Variants in WDR72 observed in about 807,000 individuals in gnomAD.
WDR72 encodes WD repeat-containing protein 72.
A neutral mutation model predicts 124.2 loss-of-function variants in WDR72; 120 were observed. That is an observed-to-expected ratio of 0.97 (90% CI 0.83 to 1.12). The LOEUF is 1.12. WDR72 is among the 50% of genes most tolerant of loss of function. The pLI is 0.00. For missense variants in WDR72, 1,387 were observed against 1,278.8 expected (o/e 1.08, Z -1.29); for synonymous variants, 452 against 441.7 (o/e 1.02, Z -0.29).
intron 18 of WDR72, among the ~76,000 whole-genome samples, chr15:53,561,339 T>C (rs766303372): frequency 4.6e-5 from 7 of 151,836 alleles, no homozygotes; most frequent in Non-Finnish European, 8.8e-5. Flanking sequence ...GCTTTTATTC[T>C]GTCCAGAACC....
intron 18 of WDR72, among the ~76,000 whole-genome samples, chr15:53,592,227 T>C (rs1451582992): frequency 1.3e-5 from 2 of 152,054 alleles, no homozygotes; most frequent in Admixed American, 1.3e-4. Context: ...TGCTCCTTGA[T>C]CACACGTACC....
chr15:53,646,540 C>T (rs1037488161), intron 14 of WDR72, among the ~76,000 whole-genome samples: 1 of 152,016 alleles, frequency 6.6e-6, no homozygotes, highest in African/African-American at 2.4e-5. Context: ...TACCAAAGGC[C>T]AGTAGACTGT....
chr15:53,528,781 G>T (rs1443192616), intron 18 of WDR72, among the ~76,000 whole-genome samples: 1 of 151,892 alleles, frequency 6.6e-6, no homozygotes, highest in Admixed American at 6.6e-5. Context: ...GCCAAGTTTG[G>T]GGAAGATAAA....
intron 13 of WDR72, among the ~76,000 whole-genome samples, chr15:53,689,834 A>G (rs1273182201): frequency 6.6e-6 from 1 of 152,060 alleles, no homozygotes; most frequent in Non-Finnish European, 1.5e-5. Context: ...CAACAGTGAT[A>G]GACTGGATTA....
chr15:53,520,587 TCAC>T (rs1470644315), intron 19 of WDR72, among the ~76,000 whole-genome samples: 2 of 152,020 alleles, frequency 1.3e-5, no homozygotes, highest in Admixed American at 1.3e-4. Context: ...TTCCCAAATC[TCAC>T]CACCTAAAAA....
intron 14 of WDR72, among the ~76,000 whole-genome samples, chr15:53,629,491 A>G (rs2014340027): frequency 1.3e-5 from 2 of 152,108 alleles, no homozygotes; most frequent in Non-Finnish European, 2.9e-5. Flanking sequence ...AAAAAAAGTA[A>G]AAATAAAATG....
chr15:53,573,149 T>C (rs1386610798), intron 18 of WDR72, among the ~76,000 whole-genome samples: 4 of 152,312 alleles, frequency 2.6e-5, no homozygotes, highest in East Asian at 1.9e-4. Flanking sequence ...TTCAAACTTC[T>C]AGTGATTTAA....
In WDR72 at chr15:53,607,855, T is replaced by C. The variant is rs532163892; in HGVS notation, c.2952+1658A>G. Reference sequence around the variant, plus strand: ...TAAAAAAATGGCCAAAATAATTGAATAGACATTTCTCAAAAGAAGACATAC... The same window carrying C: ...TAAAAAAATGGCCAAAATAATTGAACAGACATTTCTCAAAAGAAGACATAC... On this transcript the variant is annotated intron_variant, in intron 17 of 19. Coordinates refer to ENST00000360509, the MANE Select transcript of WDR72 (RefSeq NM_182758.4). Among the ~76,000 whole-genome samples the C allele has an allele frequency of 3.4e-5, 5 of 147,916 alleles. No individual in the cohort carries two copies. In the East Asian group the frequency reaches 6.0e-4, roughly 18 times the overall value.
intron 3 of WDR72, among the ~76,000 whole-genome samples, chr15:53,722,266 C>T (rs938816054): frequency 2.0e-5 from 3 of 151,852 alleles, no homozygotes; most frequent in Non-Finnish European, 4.4e-5. Flanking sequence ...AACTCCTGAC[C>T]TCAGGTGATC....
At chr15:53,690,776 A>G (rs1483126104) in intron 13 of WDR72, among the ~76,000 whole-genome samples, 1 of 152,128 alleles carries the variant, frequency 6.6e-6, no homozygotes, top group Non-Finnish European at 1.5e-5. Context: ...TTTATGTACA[A>G]GTTTCTGTGT....
At chr15:53,690,154 C>T (rs1189183015) in intron 13 of WDR72, among the ~76,000 whole-genome samples, 2 of 151,232 alleles carry the variant, frequency 1.3e-5, no homozygotes, top group Non-Finnish European at 2.9e-5. Flanking sequence ...CAGCATGGCA[C>T]ATGTATACAT....
rs180962685 is a variant in WDR72, at chr15:53,640,626, G to A, written c.1963-24383C>T. On this transcript the variant is annotated intron_variant, in intron 14 of 19. Transcript: ENST00000360509. Reference sequence around the variant, plus strand: ...ATCTTTAAAGTATTGGCTAAATTGTGAGGCTGCTCCAGCAAGTCTGTTTCA... The same window carrying A: ...ATCTTTAAAGTATTGGCTAAATTGTAAGGCTGCTCCAGCAAGTCTGTTTCA... 8.5e-5 allele frequency among the ~76,000 whole-genome samples: 13 copies of A among 152,240 alleles called. No individual in the cohort carries two copies. The East Asian group carries it at 2.3e-3, about 27-fold the overall frequency.
intron 14 of WDR72, among the ~76,000 whole-genome samples, chr15:53,627,396 C>T (rs1271733135): frequency 6.6e-6 from 1 of 152,136 alleles, no homozygotes; most frequent in African/African-American, 2.4e-5. Flanking sequence ...AAAGACCTAG[C>T]CCCATCTATT....
rs748080494 is a variant in WDR72 at position 53,706,090 on chromosome 15, G to A, written c.955-16C>T. The A allele has an allele frequency of 6.2e-7, 1 of 1,613,472 alleles. No homozygotes were observed. The highest frequency in any genetic ancestry group is 8.5e-7 in the Non-Finnish European group (1 of 1,179,852). The stretch of plus-strand genomic sequence containing the variant: ...GGCTCTGTTCCTAAACAAAAAGTGA[G>A]CTTTTATGTAGGAAATATTCTAACT... On this transcript the variant is annotated splice_polypyrimidine_tract_variant and intron_variant, in intron 9 of 19. Transcript: ENST00000360509.
intron 17 of WDR72, among the ~76,000 whole-genome samples, chr15:53,609,178 T>C (rs759708716): frequency 6.6e-6 from 1 of 152,116 alleles, no homozygotes; most frequent in Non-Finnish European, 1.5e-5. Flanking sequence ...TAATTTCACA[T>C]AATCAAATTC....
chr15:53,557,856 C>T (rs1313159621), intron 18 of WDR72, among the ~76,000 whole-genome samples: 2 of 151,870 alleles, frequency 1.3e-5, no homozygotes, highest in African/African-American at 4.8e-5. Flanking sequence ...TAGAAAAAAA[C>T]TAAAGCTCAA....
At chr15:53,532,676 G>A (rs554583413) in intron 18 of WDR72, among the ~76,000 whole-genome samples, 13 of 152,136 alleles carry the variant, frequency 8.5e-5, no homozygotes, top group African/African-American at 2.9e-4. Flanking sequence ...GATGGTTAAT[G>A]AGTACAAAAA....
At chr15:53,737,013 A>T (rs1595882761) in intron 1 of WDR72, among the ~76,000 whole-genome samples, 1 of 101,152 alleles carries the variant, frequency 9.9e-6, no homozygotes, top group East Asian at 2.2e-4. Context: ...ACACACACAC[A>T]CACACACACA....
intron 13 of WDR72, among the ~76,000 whole-genome samples, chr15:53,695,339 A>C (rs558499535): frequency 8.2e-4 from 125 of 152,360 alleles, no homozygotes; most frequent in East Asian, 9.7e-4. Flanking sequence ...AATTCTTAAA[A>C]GAATAATTAG....
Sources: gnomAD v4.1 joint callset for allele counts (sites outside exome capture counted in the v4.1 genomes callset) on GRCh38, gnomAD v4.1.1 for gene constraint, MANE v1.5 for transcripts, NCBI Gene and HGNC (gene_info 2026-07-23, HGNC 2026-07-21) for gene names.